Variants in LAMA4 observed in about 807,000 individuals in gnomAD.
The protein encoded by LAMA4 is laminin subunit alpha 4.
LAMA4 carries 127 observed loss-of-function variants against 207.1 expected under a neutral mutation model. That is an observed-to-expected ratio of 0.61 (90% CI 0.53 to 0.71). LAMA4 has a LOEUF of 0.71. Ranked by LOEUF, LAMA4 falls within the 30% of genes least tolerant of loss-of-function variation. The pLI, the probability that LAMA4 is intolerant of heterozygous loss-of-function variation, is 0.00. For missense variants in LAMA4, 2,093 were observed against 2,246.5 expected, an observed-to-expected ratio of 0.93 and a Z score of 1.38; for synonymous variants, 761 against 816.0, an observed-to-expected ratio of 0.93 and a Z score of 1.15.
At chr6:112,149,660 CCCAGTGTTGG>C (rs1323575445) in intron 17 of LAMA4, among the ~76,000 whole-genome samples, 1 of 152,172 alleles carries the variant, frequency 6.6e-6, no homozygotes, top group Non-Finnish European at 1.5e-5. Context: ...TTATAAATTA[CCCAGTGTTGG>C]CTATTTCTTC....
intron 16 of LAMA4, among the ~76,000 whole-genome samples, chr6:112,154,357 C>A (rs1474914402): frequency 3.6e-3 from 431 of 119,978 alleles, no homozygotes; most frequent in African/African-American, 4.3e-3. Context: ...ACACAAACTA[C>A]AAAAAAAAAA....
At chr6:112,198,261 A>G (rs1481118756) in intron 5 of LAMA4, among the ~76,000 whole-genome samples, 12 of 152,186 alleles carry the variant, frequency 7.9e-5, no homozygotes, top group African/African-American at 2.9e-4. Flanking sequence ...ACAGTTGGAC[A>G]CAGATTTTAA....
At chr6:112,186,938 T>C (rs1782720534) in intron 8 of LAMA4, 1 of 451,136 alleles carries the variant, frequency 2.2e-6, no homozygotes, top group Non-Finnish European at 4.4e-6. Context: ...TGTGTGAATG[T>C]CTGCGTTTGA....
chr6:112,239,372 A>AT (rs1243957534), intron 2 of LAMA4, among the ~76,000 whole-genome samples: 1 of 150,658 alleles, frequency 6.6e-6, no homozygotes, highest in African/African-American at 2.4e-5. Context: ...TTTTTATGGC[A>AT]TTTTTTATTG....
chr6:112,109,349 AG>A lies in LAMA4; in HGVS notation c.*87del. 1 of 1,429,700 alleles carries A rather than the reference AG, an allele frequency of 7.0e-7. No individual in the cohort carries two copies. The highest frequency in any genetic ancestry group is 9.8e-7 in the Non-Finnish European group (1 of 1,022,540). 88.6% of individuals were successfully genotyped at this position (1,429,700 alleles called of 1,614,324 possible). On this transcript the variant is annotated 3_prime_UTR_variant, in exon 39 of 39. Coordinates refer to ENST00000230538, the MANE Select transcript of LAMA4 (RefSeq NM_001105206.3). ...CAACTCGATGAAAGCTTCCACCCGA[AG>A]GAAGAGTTACTGTTCCTCCTGGCTG...
chr6:112,190,907 CTTT>C (rs1783003569), intron 6 of LAMA4, among the ~76,000 whole-genome samples: 6 of 91,102 alleles, frequency 6.6e-5, no homozygotes, highest in African/African-American at 2.1e-4. Context: ...TTCTTTCTTT[CTTT>C]CTTTCTTTCT....
chr6:112,245,682 T>A (rs1554188513), intron 2 of LAMA4, among the ~76,000 whole-genome samples: 1 of 152,054 alleles, frequency 6.6e-6, no homozygotes, highest in Non-Finnish European at 1.5e-5. Flanking sequence ...AGACTTGTGC[T>A]AATGCAGCTG....
intron 17 of LAMA4, among the ~76,000 whole-genome samples, chr6:112,150,096 C>G (rs1207193135): frequency 6.6e-6 from 1 of 152,014 alleles, no homozygotes; most frequent in African/African-American, 2.4e-5. Flanking sequence ...CTGTTTACAG[C>G]TGGGCCAAAG....
intron 19 of LAMA4, among the ~76,000 whole-genome samples, chr6:112,144,582 CAG>C (rs781845401): frequency 9.8e-5 from 15 of 152,340 alleles, no homozygotes; most frequent in East Asian, 5.8e-4. Flanking sequence ...CCTTTCTCTA[CAG>C]AGTCTGATCT....
intron 3 of LAMA4, among the ~76,000 whole-genome samples, chr6:112,209,042 T>C (rs1784223872): frequency 6.6e-6 from 1 of 152,188 alleles, no homozygotes; most frequent in African/African-American, 2.4e-5. Flanking sequence ...AATGAATTTG[T>C]GTCTGGAGCA....
At chr6:112,206,471 C>G (rs1784062760) in intron 4 of LAMA4, among the ~76,000 whole-genome samples, 3 of 152,018 alleles carry the variant, frequency 2.0e-5, no homozygotes, top group Non-Finnish European at 4.4e-5. Flanking sequence ...CCATTATTTC[C>G]ATTAAAATGT....
At chr6:112,132,655 C>T in intron 28 of LAMA4, 98 bp downstream of exon 28, 1 of 1,173,200 alleles carries the variant, frequency 8.5e-7, no homozygotes, top group South Asian at 1.3e-5. Flanking sequence ...CAAAATTAAT[C>T]TGAATAGAAA....
intron 5 of LAMA4, among the ~76,000 whole-genome samples, chr6:112,195,914 C>T (rs1312749752): frequency 2.6e-5 from 4 of 151,242 alleles, no homozygotes; most frequent in African/African-American, 9.7e-5. Context: ...GTCTCAGGTT[C>T]CTCATCTTTT....
chr6:112,178,936 C>A (rs1285177162), intron 9 of LAMA4: 1 of 152,346 alleles, frequency 6.6e-6, no homozygotes, highest in Non-Finnish European at 1.5e-5. Flanking sequence ...AATAGGCAGA[C>A]CTTGAAATGC....
intron 38 of LAMA4, among the ~76,000 whole-genome samples, chr6:112,110,892 G>A (rs1425908598): frequency 6.6e-6 from 1 of 152,210 alleles, no homozygotes; most frequent in Non-Finnish European, 1.5e-5. Context: ...AGGATCCTAA[G>A]TAATTGATTA....
Position 112,172,265 on chromosome 6 carries a change from C to T in LAMA4, c.1551+346G>A, listed in dbSNP as rs76794765. On this transcript the variant is annotated intron_variant, in intron 12 of 38. Transcript: ENST00000230538. ...GTGCCTTTCCAAAAATTATGCATACCCAGAACCCATGGTTTTGAGATGCTT... is the reference window on the plus strand; with the variant it reads ...GTGCCTTTCCAAAAATTATGCATACTCAGAACCCATGGTTTTGAGATGCTT... 279 of 283,336 alleles carry T rather than the reference C, an allele frequency of 9.8e-4. 3 individuals carry two copies. Among genetic ancestry groups the T allele is most frequent in the African/African-American group, 5.5e-3 (247 of 44,814 alleles). The allele number at this position is 283,336 out of a possible 1,614,324, so 17.6% of individuals were successfully genotyped here. A position where few individuals can be genotyped will look rare whatever the true frequency, so the allele number is the denominator to read the frequency against.
chr6:112,172,220 G>C, intron 12 of LAMA4: 1 of 246,108 alleles, frequency 4.1e-6, no homozygotes, highest in South Asian at 4.9e-5. Flanking sequence ...TGACCAGCCA[G>C]ACTGTGAGAT....
rs1383019815 is a variant in LAMA4 at position 112,133,391 on chromosome 6, TGTCTGC to T, written c.3648_3653del (p.Gln1217_Thr1218del). ...ATCCATAACCAACTCCCAGGGTTTC[TGTCTGC>T]TCCAGTAAATTGAAGTCCTTCTTTT... is the stretch of plus-strand genomic sequence containing the variant. On this transcript the variant is annotated inframe_deletion, in exon 27 of 39. Coordinates refer to ENST00000230538, the MANE Select transcript of LAMA4 (RefSeq NM_001105206.3). 5 of 1,613,770 alleles carry T rather than the reference TGTCTGC, an allele frequency of 3.1e-6. No homozygotes were observed. In the African/African-American group the frequency reaches 6.7e-5, roughly 22 times the overall value.
At position 112,109,299 on chromosome 6, in the gene LAMA4, C is replaced by T. The variant is rs189040379; in HGVS notation, c.*138G>A. ...AATGAGAAATAAGAAATATCCGGTC[C>T]CTGATGATTCGTTTAAGTCCTGTTC... is the stretch of plus-strand genomic sequence containing the variant. On this transcript the variant is annotated 3_prime_UTR_variant, in exon 39 of 39. Transcript: ENST00000230538. 2.2e-6 allele frequency: 2 copies of T among 893,832 alleles called. No individual in the cohort carries two copies. Among genetic ancestry groups the T allele is most frequent in the African/African-American group, 1.7e-5 (1 of 60,398 alleles). 55.4% of individuals were successfully genotyped at this position (893,832 alleles called of 1,614,324 possible). A position where few individuals can be genotyped will look rare whatever the true frequency, so the allele number is the denominator to read the frequency against.
Sources: gnomAD v4.1 joint callset for allele counts (sites outside exome capture counted in the v4.1 genomes callset) on GRCh38, gnomAD v4.1.1 for gene constraint, MANE v1.5 for transcripts, NCBI Gene and HGNC (gene_info 2026-07-23, HGNC 2026-07-21) for gene names.